The following ZNF638 variants were observed in gnomAD, a reference collection of about 807,000 sequenced individuals.
ZNF638 encodes zinc finger protein 638.
In ZNF638, 46 loss-of-function variants were observed where a neutral mutation model predicts 195.6. The observed-to-expected ratio is 0.24, with a 90% CI of 0.19 to 0.30. The LOEUF (loss-of-function observed/expected upper bound fraction) is 0.30, where lower values mean the gene tolerates loss of function less well. Ranked by LOEUF, ZNF638 falls within the 10% of genes least tolerant of loss-of-function variation. ZNF638 has a pLI of 1.00. For missense variants in ZNF638, 2,440 were observed against 2,325.3 expected (o/e 1.05, Z -1.01); for synonymous variants, 845 against 772.0 (o/e 1.09, Z -1.57).
intron 3 of ZNF638, among the ~76,000 whole-genome samples, chr2:71,359,605 C>G (rs751398648): frequency 2.0e-4 from 31 of 152,208 alleles, no homozygotes; most frequent in Non-Finnish European, 4.4e-4. Context: ...CTAAGCATCC[C>G]TCAATCTAGT....
intron 10 of ZNF638, chr2:71,395,557 A>C (rs1268713371): frequency 1.5e-5 from 9 of 604,442 alleles, no homozygotes; most frequent in Non-Finnish European, 2.7e-5. Flanking sequence ...TTACTTTTGC[A>C]GACCTTTGAT....
rs141620069 is a variant in ZNF638, at chr2:71,434,816, A to T, written c.*9A>T. The T allele has an allele frequency of 3.6e-3, 5,702 of 1,593,832 alleles. 12 individuals carry two copies. The highest frequency in any genetic ancestry group is 4.3e-3 in the Non-Finnish European group (5,082 of 1,172,842). On this transcript the variant is annotated 3_prime_UTR_variant, in exon 28 of 28. Coordinates refer to ENST00000264447, the MANE Select transcript of ZNF638 (RefSeq NM_014497.5). ...AAAGAAGCTCTAGGTGATTGGGGGA[A>T]AGGAAAGAATTCACTAGAAATTTGT...
intron 10 of ZNF638, among the ~76,000 whole-genome samples, chr2:71,393,044 A>G (rs546642269): frequency 3.9e-5 from 6 of 152,302 alleles, no homozygotes; most frequent in African/African-American, 9.6e-5. Flanking sequence ...GCCAGCTCAC[A>G]TATTCAACAA....
At position 71,402,188 on chromosome 2, in the gene ZNF638, C is replaced by T. The variant is rs898060857; in HGVS notation, c.2829+101C>T. 4.8e-6 allele frequency: 6 copies of T among 1,260,862 alleles called. No individual in the cohort carries two copies. In the African/African-American group the frequency reaches 7.7e-5, roughly 16 times the overall value. The allele number at this position is 1,260,862 out of a possible 1,614,324, so 78.1% of individuals were successfully genotyped here. On this transcript the variant is annotated intron_variant, in intron 16 of 27. Transcript: ENST00000264447. ...AAAAGAAAAGGTTTAAAAGCAGTAT[C>T]TCAAAGTAAACTTTCAAGCTAAGGG...
intron 26 of ZNF638, among the ~76,000 whole-genome samples, chr2:71,432,786 G>A (rs1211580623): frequency 6.6e-6 from 1 of 152,118 alleles, no homozygotes; most frequent in Admixed American, 6.5e-5. Context: ...TAATATTTTT[G>A]TCGTGTTTAA....
chr2:71,393,437 C>T (rs1308796671), intron 10 of ZNF638: 11 of 718,608 alleles, frequency 1.5e-5, no homozygotes, highest in South Asian at 5.9e-5. Context: ...CATACCATGG[C>T]GTGGCTAGGA....
intron 26 of ZNF638, among the ~76,000 whole-genome samples, chr2:71,431,907 T>A (rs2080673696): frequency 6.6e-6 from 1 of 152,244 alleles, no homozygotes; most frequent in East Asian, 1.9e-4. Flanking sequence ...TGGGCTGTTT[T>A]TACCTGAGAA....
At chr2:71,430,609 T>C (rs2080638370) in intron 25 of ZNF638, among the ~76,000 whole-genome samples, 1 of 152,178 alleles carries the variant, frequency 6.6e-6, no homozygotes, top group African/African-American at 2.4e-5. Flanking sequence ...GCTTTCTCCA[T>C]CTCTGAAGAA....
intron 10 of ZNF638, chr2:71,393,752 C>T: frequency 1.6e-6 from 1 of 636,494 alleles, no homozygotes; most frequent in Non-Finnish European, 2.9e-6. Flanking sequence ...TTCTTACGCC[C>T]TGTTACCTGG....
chr2:71,362,432 A>G (rs1461147409), intron 3 of ZNF638, among the ~76,000 whole-genome samples: 1 of 152,068 alleles, frequency 6.6e-6, no homozygotes, highest in African/African-American at 2.4e-5. Flanking sequence ...ATGTTCGTTA[A>G]GTTCCCATTG....
intron 7 of ZNF638, among the ~76,000 whole-genome samples, chr2:71,369,051 A>G (rs1371956184): frequency 6.6e-6 from 1 of 151,550 alleles, no homozygotes; most frequent in Non-Finnish European, 1.5e-5. Flanking sequence ...ATAGTTAGTT[A>G]AGGCTGGGCG....
At chr2:71,424,770 C>T (rs1443554786) in intron 23 of ZNF638, 55 bp downstream of exon 23, 6 of 1,391,258 alleles carry the variant, frequency 4.3e-6, no homozygotes, top group Non-Finnish European at 4.0e-6. Context: ...TAGCACAGTT[C>T]ATCTATCTTA....
At chr2:71,383,770 T>TTTTC (rs1204248832) in intron 10 of ZNF638, among the ~76,000 whole-genome samples, 1 of 137,992 alleles carries the variant, frequency 7.2e-6, no homozygotes, top group Non-Finnish European at 1.6e-5. Context: ...TTCTTTTTTT[T>TTTTC]TTTTTTTTTT....
intron 3 of ZNF638, among the ~76,000 whole-genome samples, chr2:71,358,826 G>C: frequency 6.6e-6 from 1 of 152,026 alleles, no homozygotes; most frequent in East Asian, 1.9e-4. Context: ...TGCTCACTTT[G>C]TGTCCCTGAG....
intron 16 of ZNF638, 79 bp downstream of exon 16, chr2:71,402,166 A>G (rs1212771982): frequency 1.4e-6 from 2 of 1,451,222 alleles, no homozygotes; most frequent in African/African-American, 3.0e-5. Flanking sequence ...AAAACTAAAA[A>G]GAAAAGGTTT....
chr2:71,426,395 C>A, intron 23 of ZNF638, 65 bp from the exon 24 acceptor site: 1 of 1,169,840 alleles, frequency 8.5e-7, no homozygotes, highest in South Asian at 1.5e-5. Context: ...TTTATTGTGA[C>A]TATTTGGAAT....
chr2:71,384,590 A>G lies in ZNF638; in HGVS notation c.2377+4025A>G, dbSNP rs76496840. On this transcript the variant is annotated intron_variant, in intron 10 of 27. Coordinates refer to ENST00000264447, the MANE Select transcript of ZNF638 (RefSeq NM_014497.5). ...ATAGGTCGCAGGCAAGGTACTGAAG[A>G]TAAAAAGTCAGTTAAGACTTCTTTT... Among the ~76,000 whole-genome samples the G allele has an allele frequency of 5.0e-3, 755 of 152,350 alleles. 3 individuals carry two copies. Among genetic ancestry groups the G allele is most frequent in the African/African-American group, 0.017 (726 of 41,588 alleles).
intron 21 of ZNF638, among the ~76,000 whole-genome samples, 192 bp from the exon 22 acceptor site, chr2:71,422,622 G>T (rs577381777): frequency 1.5e-4 from 23 of 152,242 alleles, no homozygotes; most frequent in African/African-American, 5.3e-4. Context: ...TATTATTTAC[G>T]TATTTCCAGC....
intron 1 of ZNF638, among the ~76,000 whole-genome samples, chr2:71,345,490 C>G (rs1359205988): frequency 6.6e-6 from 1 of 152,140 alleles, no homozygotes; most frequent in African/African-American, 2.4e-5. Flanking sequence ...ATCCTGAACT[C>G]AAGCAGTCCT....
Sources: gnomAD v4.1 joint callset for allele counts (sites outside exome capture counted in the v4.1 genomes callset) on GRCh38, gnomAD v4.1.1 for gene constraint, MANE v1.5 for transcripts, NCBI Gene and HGNC (gene_info 2026-07-23, HGNC 2026-07-21) for gene names.